The following FMN2 variants were observed in gnomAD, a reference collection of about 807,000 sequenced individuals.
FMN2 encodes the protein formin-2.
In FMN2, 51 loss-of-function variants were observed where a neutral mutation model predicts 142.3. The observed-to-expected ratio is 0.36, with a 90% CI of 0.29 to 0.45. The LOEUF is 0.45. Among genes scored for constraint, FMN2 ranks in the 20% least tolerant of loss-of-function variants. The probability of loss-of-function intolerance (pLI) is 1.00; values close to 1 mark genes in which losing one functional copy is unlikely to be tolerated. For missense variants in FMN2, 1,936 were observed against 2,122.8 expected (o/e 0.91, Z 1.73); for synonymous variants, 882 against 869.8 (o/e 1.01, Z -0.25).
intron 7 of FMN2, among the ~76,000 whole-genome samples, chr1:240,267,894 A>G (rs1668872175): frequency 6.6e-6 from 1 of 152,114 alleles, no homozygotes; most frequent in South Asian, 2.1e-4. Context: ...CAAGTGGCCA[A>G]CAAACATACG....
intron 1 of FMN2, among the ~76,000 whole-genome samples, chr1:240,098,206 A>T (rs908007890): frequency 8.0e-5 from 12 of 149,858 alleles, no homozygotes; most frequent in African/African-American, 3.0e-4. Flanking sequence ...GGTTCAAGCA[A>T]TTCTCCTGCC....
At chr1:240,221,197 T>G (rs1444539454) in intron 6 of FMN2, among the ~76,000 whole-genome samples, 1 of 152,182 alleles carries the variant, frequency 6.6e-6, no homozygotes, top group African/African-American at 2.4e-5. Flanking sequence ...TGCGTCTTTA[T>G]AGTAGAATGA....
chr1:240,246,867 C>T (rs1355969736), intron 6 of FMN2, among the ~76,000 whole-genome samples: 1 of 152,176 alleles, frequency 6.6e-6, no homozygotes, highest in African/African-American at 2.4e-5. Context: ...TTATAGATTT[C>T]AAATGTGTTA....
intron 8 of FMN2, among the ~76,000 whole-genome samples, chr1:240,320,808 G>A (rs891807584): frequency 7.9e-5 from 12 of 152,152 alleles, no homozygotes; most frequent in Admixed American, 5.9e-4. Flanking sequence ...CTATTTTCCT[G>A]ATACCGCTAA....
chr1:240,093,858 T>G (rs563557931), intron 1 of FMN2, 134 bp downstream of exon 1: 53 of 559,310 alleles, frequency 9.5e-5, no homozygotes, highest in African/African-American at 9.3e-4. Context: ...TAGGGAATCC[T>G]TTTCCGCCCA....
chr1:240,132,287 G>T (rs1411562134), intron 2 of FMN2, among the ~76,000 whole-genome samples: 2 of 152,180 alleles, frequency 1.3e-5, no homozygotes, highest in Non-Finnish European at 2.9e-5. Context: ...ACCATAGGTT[G>T]TATGGTAAAA....
chr1:240,396,565 A>G (rs1673785598), intron 15 of FMN2, among the ~76,000 whole-genome samples: 1 of 151,920 alleles, frequency 6.6e-6, no homozygotes, highest in Admixed American at 6.6e-5. Context: ...TCATCCAGGT[A>G]TTGAGCGTAG....
At chr1:240,203,611 G>A (rs113808985) in intron 4 of FMN2, among the ~76,000 whole-genome samples, 205 of 152,234 alleles carry the variant, frequency 1.3e-3, no homozygotes, top group Non-Finnish European at 2.6e-3. Context: ...TGAACAGTGA[G>A]AACACATAGA....
chr1:240,250,994 G>C (rs1403642212), intron 6 of FMN2, among the ~76,000 whole-genome samples: 1 of 151,478 alleles, frequency 6.6e-6, no homozygotes, highest in Admixed American at 6.6e-5. Context: ...GGTTAGTCTA[G>C]CTAGCAGTTT....
At chr1:240,162,659 A>G (rs997600608) in intron 2 of FMN2, among the ~76,000 whole-genome samples, 2 of 152,006 alleles carry the variant, frequency 1.3e-5, no homozygotes, top group African/African-American at 2.4e-5. Flanking sequence ...TATTTCTGAC[A>G]TTAGTTATTT....
chr1:240,467,829 G>A (rs1232606021), intron 16 of FMN2, among the ~76,000 whole-genome samples: 2 of 152,132 alleles, frequency 1.3e-5, no homozygotes, highest in Non-Finnish European at 2.9e-5. Context: ...AAAAGATATT[G>A]TAAAATATTA....
At chr1:240,169,809 C>T (rs1664628778) in intron 2 of FMN2, among the ~76,000 whole-genome samples, 1 of 152,192 alleles carries the variant, frequency 6.6e-6, no homozygotes, top group South Asian at 2.1e-4. Flanking sequence ...ATAAAGAAAT[C>T]AGTGAGCTGC....
intron 4 of FMN2, among the ~76,000 whole-genome samples, chr1:240,202,557 G>C (rs1666165082): frequency 6.6e-6 from 1 of 151,954 alleles, no homozygotes; most frequent in South Asian, 2.1e-4. Context: ...TGGACTCCTG[G>C]GCTCAAGTGC....
chr1:240,406,148 A>T (rs1674180720), intron 15 of FMN2, among the ~76,000 whole-genome samples: 1 of 63,362 alleles, frequency 1.6e-5, no homozygotes, highest in Non-Finnish European at 2.8e-5. Context: ...GGGGGAGCGA[A>T]GGGAATCAGC....
At chr1:240,349,073 T>C (rs1672009210) in intron 13 of FMN2, among the ~76,000 whole-genome samples, 1 of 152,220 alleles carries the variant, frequency 6.6e-6, no homozygotes. Flanking sequence ...GTCCTGACTG[T>C]GCCATATATA....
intron 2 of FMN2, among the ~76,000 whole-genome samples, chr1:240,166,886 C>A (rs1046089196): frequency 2.0e-5 from 3 of 152,172 alleles, no homozygotes; most frequent in African/African-American, 7.2e-5. Context: ...CTTTGGGAGG[C>A]CGAGGCAGGC....
chr1:240,297,546 A>G (rs1408980610), intron 8 of FMN2, among the ~76,000 whole-genome samples: 1 of 144,372 alleles, frequency 6.9e-6, no homozygotes, highest in Non-Finnish European at 1.5e-5. Context: ...CTGTGAGCCG[A>G]GATTGCATCA....
chr1:240,374,143 C>A (rs1422428919), intron 14 of FMN2, among the ~76,000 whole-genome samples: 7 of 152,114 alleles, frequency 4.6e-5, no homozygotes, highest in African/African-American at 1.7e-4. Flanking sequence ...AGCAGTGGGC[C>A]TAAAACACTC....
At chr1:240,359,593 C>A (rs1483478899) in intron 14 of FMN2, among the ~76,000 whole-genome samples, 1 of 152,192 alleles carries the variant, frequency 6.6e-6, no homozygotes, top group East Asian at 1.9e-4. Flanking sequence ...CCCTCCCTAT[C>A]TTCCTAGTTC....
Sources: allele counts gnomAD v4.1 joint callset (sites outside exome capture counted in the v4.1 genomes callset), GRCh38; gene constraint gnomAD v4.1.1; transcripts MANE v1.5; gene names NCBI Gene and HGNC (gene_info 2026-07-23, HGNC 2026-07-21).